Variants in APBA2 observed in about 807,000 individuals in gnomAD.
APBA2 encodes the protein amyloid-beta A4 precursor protein-binding family A member 2.
Under a neutral mutation model 75.0 loss-of-function variants are expected in APBA2, and 30 were observed. The observed-to-expected ratio is 0.40, with a 90% CI of 0.30 to 0.54. The LOEUF is 0.54. Among genes scored for constraint, APBA2 ranks in the 20% least tolerant of loss-of-function variants. APBA2 has a pLI of 0.49. For synonymous variants in APBA2, 444 were observed against 409.6 expected (o/e 1.08, Z -1.01); for missense variants, 801 against 1,016.1 (o/e 0.79, Z 2.88).
At chr15:29,104,793 T>C (rs561031135) in intron 10 of APBA2, among the ~76,000 whole-genome samples, 1 of 152,206 alleles carries the variant, frequency 6.6e-6, no homozygotes, top group African/African-American at 2.4e-5. Flanking sequence ...GGAAAGGAAA[T>C]ACAGATGGGG....
At chr15:29,116,460 G>A (rs532624937) in intron 14 of APBA2, among the ~76,000 whole-genome samples, 143 of 150,744 alleles carry the variant, frequency 9.5e-4, no homozygotes, top group East Asian at 8.7e-3. Flanking sequence ...CCCCGTCTCT[G>A]CTAAAAAATA....
chr15:29,070,152 CT>C (rs55650681), intron 4 of APBA2, among the ~76,000 whole-genome samples: 11,506 of 152,172 alleles, frequency 0.076, 1,165 homozygotes, highest in African/African-American at 0.23. Context: ...GATGAAAAAA[CT>C]TATAGTGGTG....
chr15:28,908,315 G>GTTTTTTTTTTTTTTTTTTTC (rs765084356), intron 1 of APBA2, among the ~76,000 whole-genome samples: 1 of 137,596 alleles, frequency 7.3e-6, no homozygotes, highest in African/African-American at 3.0e-5. Context: ...TTGTTTTCTT[G>GTTTTTTTTTTTTTTTTTTTC]TTTTTTTTTT....
intron 7 of APBA2, among the ~76,000 whole-genome samples, chr15:29,093,583 G>T (rs1048035057): frequency 6.6e-6 from 1 of 152,202 alleles, no homozygotes; most frequent in Non-Finnish European, 1.5e-5. Context: ...AATAAATCAC[G>T]TTTTATTTAA....
intron 6 of APBA2, 106 bp from the exon 7 acceptor site, chr15:29,092,969 C>T (rs112750895): frequency 1.4e-5 from 21 of 1,462,092 alleles, no homozygotes; most frequent in Middle Eastern, 1.8e-4. Flanking sequence ...TTCTAGTTTG[C>T]CCCGCATCCT....
Position 29,105,411 on chromosome 15 carries a change from C to A in APBA2, c.1557C>A (p.Ala519=). ...AQLIAQSIGQ[A]FSVAYQEFLR... is the part of the protein sequence containing the mutation. The stretch of plus-strand genomic sequence containing the variant: ...TCATCGCCCAGTCTATCGGCCAGGC[C>A]TTCAGCGTGGCCTACCAGGAGTTCC... The change falls in exon 11 of 15, where the codon GCC becomes GCA. Residue 519 remains alanine, a synonymous_variant. Transcript: ENST00000683413. 6.2e-7 allele frequency: 1 copy of A among 1,612,858 alleles called. No homozygotes were observed.
At chr15:29,048,004 A>C (rs2041420698) in intron 3 of APBA2, among the ~76,000 whole-genome samples, 1 of 152,192 alleles carries the variant, frequency 6.6e-6, no homozygotes, top group Admixed American at 6.5e-5. Flanking sequence ...AATAAATAGG[A>C]AGATTTTTTT....
chr15:28,922,136 C>G (rs1225319613), intron 2 of APBA2, among the ~76,000 whole-genome samples: 7 of 152,244 alleles, frequency 4.6e-5, no homozygotes, highest in East Asian at 1.9e-4. Context: ...TGGGCAGCCT[C>G]CCTTCCCCAT....
chr15:29,109,488 C>T (rs1462082969), intron 13 of APBA2, among the ~76,000 whole-genome samples: 1 of 152,230 alleles, frequency 6.6e-6, no homozygotes, highest in Non-Finnish European at 1.5e-5. Flanking sequence ...GGCCCAGGCT[C>T]TGCCCTCAGC....
intron 3 of APBA2, among the ~76,000 whole-genome samples, chr15:29,005,768 G>T (rs967424822): frequency 6.6e-6 from 1 of 152,152 alleles, no homozygotes; most frequent in African/African-American, 2.4e-5. Flanking sequence ...GGAGGCTGAG[G>T]CAGGAGAATC....
Position 29,101,712 on chromosome 15 carries a change from C to A in APBA2, c.1452C>A (p.Ile484=), listed in dbSNP as rs774705861. ...CCCGGTCAGCCTCTCAGGACTGCAT[C>A]GAGACCACGCCCGGGGCCCAGGAAG... The part of the protein sequence containing the change: ...RMPRSASQDC[I]ETTPGAQEGK... Residue 484 remains isoleucine (I), a synonymous_variant, in exon 10 of 15, where the codon ATC becomes ATA. Transcript: ENST00000683413. 6.2e-7 allele frequency: 1 copy of A among 1,613,686 alleles called. No individual in the cohort carries two copies. The highest frequency in any genetic ancestry group is 1.1e-5 in the South Asian group (1 of 91,080).
chr15:29,071,240 G>A lies in APBA2; in HGVS notation c.952-3681G>A, dbSNP rs551704694. ...TAGTTTCACCACCTGGAGCCAAGGTGTTTATTAGAAAGATTTATTGGCATT... is the reference window on the plus strand; with the variant it reads ...TAGTTTCACCACCTGGAGCCAAGGTATTTATTAGAAAGATTTATTGGCATT... On this transcript the variant is annotated intron_variant, in intron 4 of 14. Transcript: ENST00000683413. 3.6e-5 allele frequency: 13 copies of A among 362,418 alleles called. No individual in the cohort carries two copies. In the Admixed American group the frequency reaches 4.9e-4, roughly 14 times the overall value. The allele number at this position is 362,418 out of a possible 1,614,324, so 22.5% of individuals were successfully genotyped here. A position where few individuals can be genotyped will look rare whatever the true frequency, so the allele number is the denominator to read the frequency against.
intron 3 of APBA2, among the ~76,000 whole-genome samples, chr15:29,027,035 A>T (rs1566921766): frequency 6.6e-6 from 1 of 152,360 alleles, no homozygotes; most frequent in South Asian, 2.1e-4. Flanking sequence ...AGGGTGTGCC[A>T]TCTTCCCCTT....
intron 2 of APBA2, among the ~76,000 whole-genome samples, chr15:28,957,806 C>G (rs142921405): frequency 6.6e-6 from 1 of 152,292 alleles, no homozygotes; most frequent in East Asian, 1.9e-4. Context: ...ACCTGCACAT[C>G]AGGCCTCCCC....
intron 2 of APBA2, among the ~76,000 whole-genome samples, chr15:28,952,292 G>T (rs2035931104): frequency 6.6e-6 from 1 of 152,160 alleles, no homozygotes; most frequent in South Asian, 2.1e-4. Context: ...GACTTTGAGA[G>T]CCTGAGGCAG....
intron 3 of APBA2, among the ~76,000 whole-genome samples, chr15:29,052,186 C>T (rs964715515): frequency 9.9e-5 from 15 of 151,964 alleles, no homozygotes; most frequent in Admixed American, 8.5e-4. Context: ...CTGGGCGTGG[C>T]GGCTCACCCC....
At chr15:29,015,924 G>A (rs1259143036) in intron 3 of APBA2, among the ~76,000 whole-genome samples, 1 of 152,188 alleles carries the variant, frequency 6.6e-6, no homozygotes. Context: ...GAATTATTGT[G>A]AGGAACTGTG....
At chr15:29,095,210 C>T (rs1413176520) in intron 8 of APBA2, among the ~76,000 whole-genome samples, 2 of 152,146 alleles carry the variant, frequency 1.3e-5, no homozygotes, top group Admixed American at 6.5e-5. Context: ...GGCGGATCAC[C>T]TGAGGTCGGG....
intron 3 of APBA2, among the ~76,000 whole-genome samples, chr15:29,049,091 A>G (rs945425289): frequency 5.9e-5 from 9 of 152,180 alleles, no homozygotes; most frequent in African/African-American, 1.9e-4. Flanking sequence ...AGAATAGTCT[A>G]TTTAGTAAAG....
Sources: gnomAD v4.1 joint callset for allele counts (sites outside exome capture counted in the v4.1 genomes callset) on GRCh38, gnomAD v4.1.1 for gene constraint, MANE v1.5 for transcripts, NCBI Gene and HGNC (gene_info 2026-07-23, HGNC 2026-07-21) for gene names.